PDGFD: variants seen among roughly 807,000 people sequenced by gnomAD.
PDGFD encodes the protein platelet-derived growth factor D.
A neutral mutation model predicts 44.7 loss-of-function variants in PDGFD; 30 were observed. The observed-to-expected ratio is 0.67, with a 90% confidence interval of 0.50 to 0.91. The LOEUF (loss-of-function observed/expected upper bound fraction) is 0.91, where lower values mean the gene tolerates loss of function less well. Among genes scored for constraint, PDGFD ranks in the 40% least tolerant of loss-of-function variants. The probability of loss-of-function intolerance (pLI) is 0.00; values close to 1 mark genes in which losing one functional copy is unlikely to be tolerated. For missense variants in PDGFD, 445 were observed against 457.8 expected (o/e 0.97, Z 0.25); for synonymous variants, 173 against 168.4 (o/e 1.03, Z -0.21).
chr11:103,921,401 C>T (rs772638764), intron 6 of PDGFD, among the ~76,000 whole-genome samples: 6 of 151,900 alleles, frequency 3.9e-5, no homozygotes, highest in African/African-American at 1.2e-4. Context: ...CAATAACAGA[C>T]GTTTCAAACA....
At chr11:104,134,512 T>C (rs1861972625) in intron 1 of PDGFD, among the ~76,000 whole-genome samples, 1 of 152,190 alleles carries the variant, frequency 6.6e-6, no homozygotes, top group Admixed American at 6.5e-5. Context: ...TGAAGAGTCT[T>C]ACCTGGCTTT....
In PDGFD at chr11:103,920,559, G is replaced by A. The variant is rs1458213266; in HGVS notation, c.987+6353C>T. 2.0e-5 allele frequency among the ~76,000 whole-genome samples: 3 copies of A among 152,230 alleles called. No homozygotes were observed. The East Asian group carries it at 5.8e-4, about 29-fold the overall frequency. ...GGAAGGCCTGATGTGAAGCTAGATTGAGAAGGGAGAAGGTGTGCAGTTTGT... is the reference window on the plus strand; with the variant it reads ...GGAAGGCCTGATGTGAAGCTAGATTAAGAAGGGAGAAGGTGTGCAGTTTGT... On this transcript the variant is annotated intron_variant, in intron 6 of 6. Transcript: ENST00000393158.
intron 3 of PDGFD, among the ~76,000 whole-genome samples, chr11:103,971,058 G>A (rs1161422515): frequency 6.6e-6 from 1 of 152,150 alleles, no homozygotes; most frequent in Non-Finnish European, 1.5e-5. Flanking sequence ...GGAGAGTCAT[G>A]TGTTTTAAAT....
intron 1 of PDGFD, among the ~76,000 whole-genome samples, chr11:104,113,961 G>A (rs116370366): frequency 1.3e-5 from 2 of 151,952 alleles, no homozygotes; most frequent in South Asian, 4.1e-4. Flanking sequence ...TCTTATTTTT[G>A]AGTGTTAAGA....
chr11:103,963,246 T>C (rs1858966061), intron 3 of PDGFD, among the ~76,000 whole-genome samples: 1 of 152,146 alleles, frequency 6.6e-6, no homozygotes, highest in South Asian at 2.1e-4. Flanking sequence ...TCACCTAGAA[T>C]GTGCACTAAG....
chr11:104,015,098 C>T (rs1859841298), intron 1 of PDGFD, among the ~76,000 whole-genome samples: 2 of 152,280 alleles, frequency 1.3e-5, no homozygotes, highest in Admixed American at 6.5e-5. Flanking sequence ...AAAGATATTG[C>T]TGGTGAATCG....
chr11:103,946,375 C>A (rs553265021), intron 4 of PDGFD: 1 of 152,292 alleles, frequency 6.6e-6, no homozygotes, highest in South Asian at 2.1e-4. Context: ...ACCCAGGGAA[C>A]TTCCCCAGAT....
Position 104,037,968 on chromosome 11 carries a change from G to A in PDGFD, c.125-37713C>T, listed in dbSNP as rs781374012. 3.1e-6 allele frequency: 5 copies of A among 1,614,040 alleles called. No individual in the cohort carries two copies. The South Asian group carries it at 5.5e-5, about 18-fold the overall frequency. On this transcript the variant is annotated intron_variant, in intron 1 of 6. Coordinates refer to ENST00000393158, the MANE Select transcript of PDGFD (RefSeq NM_025208.5). ...GTGGGCAAGATGAGTCTTCGGACAA[G>A]GAAATTACACATTCAGTCATGGATT...
chr11:103,926,553 G>A (rs1858318361), intron 6 of PDGFD, among the ~76,000 whole-genome samples: 1 of 152,156 alleles, frequency 6.6e-6, no homozygotes, highest in South Asian at 2.1e-4. Context: ...ATGAGATTGT[G>A]CCGTCATATC....
In PDGFD at chr11:104,010,728, T is replaced by G. The variant is rs1859772460; in HGVS notation, c.125-10473A>C. ...TCTCTGATAATTCTCTTTTCTTCTA[T>G]GGTAGTCTGTTTGTGTTGCGATATT... On this transcript the variant is annotated intron_variant, in intron 1 of 6. Coordinates refer to ENST00000393158, the MANE Select transcript of PDGFD (RefSeq NM_025208.5). 2.0e-5 allele frequency among the ~76,000 whole-genome samples: 3 copies of G among 152,072 alleles called. No individual in the cohort carries two copies. The South Asian group carries it at 6.2e-4, about 31-fold the overall frequency.
chr11:104,131,310 T>A (rs1342472444), intron 1 of PDGFD, among the ~76,000 whole-genome samples: 1 of 152,168 alleles, frequency 6.6e-6, no homozygotes, highest in Non-Finnish European at 1.5e-5. Context: ...GGCAACAATA[T>A]GGCCCTCTTT....
chr11:104,037,682 C>G (rs988144287), intron 1 of PDGFD: 3 of 1,614,108 alleles, frequency 1.9e-6, no homozygotes, highest in Admixed American at 3.3e-5. Context: ...CGACGGTGGG[C>G]TGGGGTTGCT....
At chr11:104,036,535 G>A (rs1160891690) in intron 1 of PDGFD, 28 of 450,208 alleles carry the variant, frequency 6.2e-5, no homozygotes, top group Admixed American at 3.5e-5. Flanking sequence ...TTGAGCCATC[G>A]TGTATCCATG....
chr11:104,090,910 C>T (rs895599068), intron 1 of PDGFD, among the ~76,000 whole-genome samples: 5 of 152,058 alleles, frequency 3.3e-5, no homozygotes, highest in East Asian at 1.9e-4. Flanking sequence ...GCAGTAGTCA[C>T]GGTGCCTGTG....
chr11:104,104,947 T>C (rs889502960), intron 1 of PDGFD, among the ~76,000 whole-genome samples: 1 of 152,294 alleles, frequency 6.6e-6, no homozygotes, highest in African/African-American at 2.4e-5. Flanking sequence ...CTCTTATTTT[T>C]CACCAATAAG....
rs528759463 is a variant in PDGFD, at chr11:104,157,931, G to T, written c.124+5873C>A. ...GGATAAATTTATACAATCTTTATTT[G>T]TCAGTTAAAACTAAATAATAAAATG... On this transcript the variant is annotated intron_variant, in intron 1 of 6. Coordinates refer to ENST00000393158, the MANE Select transcript of PDGFD (RefSeq NM_025208.5). Among the ~76,000 whole-genome samples the T allele has an allele frequency of 5.3e-5, 8 of 152,212 alleles. No individual in the cohort carries two copies. In the South Asian group the frequency reaches 1.7e-3, roughly 32 times the overall value.
intron 4 of PDGFD, among the ~76,000 whole-genome samples, chr11:103,946,895 A>G (rs2134325272): frequency 6.6e-6 from 1 of 152,322 alleles, no homozygotes; most frequent in South Asian, 2.1e-4. Flanking sequence ...AGCAAAAGAT[A>G]ACATACCAAT....
intron 1 of PDGFD, among the ~76,000 whole-genome samples, chr11:104,012,782 G>T (rs755192577): frequency 4.8e-4 from 73 of 152,324 alleles, no homozygotes; most frequent in Admixed American, 2.7e-3. Flanking sequence ...TCCGAAATCT[G>T]GGAAAATGAA....
At chr11:104,103,121 T>A (rs188013366) in intron 1 of PDGFD, among the ~76,000 whole-genome samples, 160 of 152,216 alleles carry the variant, frequency 1.1e-3, no homozygotes, top group Middle Eastern at 6.8e-3. Flanking sequence ...CACAAACAAG[T>A]CACTTACCAT....
Sources: allele counts gnomAD v4.1 joint callset (sites outside exome capture counted in the v4.1 genomes callset), GRCh38; gene constraint gnomAD v4.1.1; transcripts MANE v1.5; gene names NCBI Gene and HGNC (gene_info 2026-07-23, HGNC 2026-07-21).